FARS2: variants seen among roughly 807,000 people sequenced by gnomAD.
The protein encoded by FARS2 is phenylalanine--tRNA ligase, mitochondrial.
In FARS2, 40 loss-of-function variants were observed where a neutral mutation model predicts 46.4. The observed-to-expected ratio is 0.86, with a 90% confidence interval of 0.67 to 1.12. The LOEUF (loss-of-function observed/expected upper bound fraction) is 1.12, where lower values mean the gene tolerates loss of function less well. FARS2 is among the 50% of genes most tolerant of loss of function. The pLI is 0.00. For synonymous variants in FARS2, 234 were observed against 214.9 expected (o/e 1.09, Z -0.78); for missense variants, 513 against 567.9 (o/e 0.90, Z 0.98).
intron 4 of FARS2, among the ~76,000 whole-genome samples, chr6:5,437,258 T>C (rs1763576300): frequency 6.6e-6 from 1 of 152,230 alleles, no homozygotes; most frequent in Non-Finnish European, 1.5e-5. Context: ...CCTTTTTATT[T>C]GGAGTAGTGT....
intron 4 of FARS2, among the ~76,000 whole-genome samples, chr6:5,498,346 C>G (rs929092188): frequency 6.6e-6 from 1 of 152,074 alleles, no homozygotes; most frequent in Non-Finnish European, 1.5e-5. Context: ...TTGCTTGTTT[C>G]GTTTTTAAGA....
rs573158485 is a variant in FARS2, at chr6:5,613,386, T to C, written c.1217+66T>C. On this transcript the variant is annotated intron_variant, in intron 6 of 6. Coordinates refer to ENST00000274680, the MANE Select transcript of FARS2 (RefSeq NM_006567.5). ...GTGTGATAAATGTCATGTGGAAGCA[T>C]ATCATAAAATTTGCTGAAACCCAGG... is the stretch of plus-strand genomic sequence containing the variant. 6.2e-5 allele frequency: 91 copies of C among 1,471,038 alleles called. 1 individual carries two copies. Among genetic ancestry groups the C allele is most frequent in the South Asian group, 4.8e-4 (38 of 79,814 alleles). The allele number at this position is 1,471,038 out of a possible 1,614,324, so 91.1% of individuals were successfully genotyped here.
At chr6:5,264,247 C>T (rs1479758802) in intron 1 of FARS2, among the ~76,000 whole-genome samples, 1 of 151,674 alleles carries the variant, frequency 6.6e-6, no homozygotes, top group African/African-American at 2.4e-5. Flanking sequence ...ACCCTGTCTA[C>T]CAAAAAGAAA....
At chr6:5,536,522 A>G (rs1770211709) in intron 4 of FARS2, among the ~76,000 whole-genome samples, 1 of 152,214 alleles carries the variant, frequency 6.6e-6, no homozygotes, top group Admixed American at 6.5e-5. Flanking sequence ...AAGGAGGTCA[A>G]GAATGCAGAA....
chr6:5,443,730 A>G (rs2127791410), intron 4 of FARS2, among the ~76,000 whole-genome samples: 3 of 152,294 alleles, frequency 2.0e-5, no homozygotes, highest in African/African-American at 7.2e-5. Flanking sequence ...TTTTGTAGTG[A>G]TTTGTTGATC....
At chr6:5,442,737 T>C (rs1055099349) in intron 4 of FARS2, among the ~76,000 whole-genome samples, 3 of 152,202 alleles carry the variant, frequency 2.0e-5, no homozygotes, top group African/African-American at 7.2e-5. Flanking sequence ...TAGGATGTGC[T>C]TCTTTGACTA....
intron 5 of FARS2, among the ~76,000 whole-genome samples, chr6:5,559,392 A>G (rs1013432285): frequency 6.6e-6 from 1 of 152,206 alleles, no homozygotes; most frequent in East Asian, 1.9e-4. Flanking sequence ...CAACAGAGTG[A>G]GACCCTATCT....
At chr6:5,431,313 A>G in intron 4 of FARS2, 141 bp downstream of exon 4, 1 of 855,460 alleles carries the variant, frequency 1.2e-6, no homozygotes, top group Non-Finnish European at 1.8e-6. Context: ...ATTCCCCTCT[A>G]GATTTGTCTT....
rs1049176757 is a variant in FARS2 at position 5,764,423 on chromosome 6, C to A, written c.1218-6868C>A. On this transcript the variant is annotated intron_variant, in intron 6 of 6. Transcript: ENST00000274680. This position sits in a 1 kb window ranked among gnomAD's most constrained non-coding sequence, Gnocchi z 4.1. ...CAGCCCTACCCACTAAAGCATTGCA[C>A]GTATTGACCCTCGCAGCCATGCACA... Among the ~76,000 whole-genome samples the A allele has an allele frequency of 6.6e-6, 1 of 152,094 alleles. No individual in the cohort carries two copies. The highest frequency in any genetic ancestry group is 1.5e-5 in the Non-Finnish European group (1 of 68,010).
chr6:5,566,371 T>C (rs752080291), intron 5 of FARS2, among the ~76,000 whole-genome samples: 2 of 152,106 alleles, frequency 1.3e-5, no homozygotes, highest in African/African-American at 2.4e-5. Flanking sequence ...AAGTAATTTC[T>C]GATACCCCCA....
chr6:5,525,316 G>T (rs1049085605), intron 4 of FARS2, among the ~76,000 whole-genome samples: 2 of 152,026 alleles, frequency 1.3e-5, no homozygotes, highest in Non-Finnish European at 2.9e-5. Flanking sequence ...CTTTCCTGCT[G>T]TGGGAAATCA....
At chr6:5,416,848 C>CA (rs1762268877) in intron 3 of FARS2, among the ~76,000 whole-genome samples, 2 of 152,150 alleles carry the variant, frequency 1.3e-5, no homozygotes, top group African/African-American at 4.8e-5. Flanking sequence ...GCTGTTACCC[C>CA]ACTTCTGTAT....
chr6:5,479,359 A>T (rs1766311134), intron 4 of FARS2, among the ~76,000 whole-genome samples: 1 of 152,184 alleles, frequency 6.6e-6, no homozygotes, highest in Non-Finnish European at 1.5e-5. Context: ...ACAGTGGGAG[A>T]GGCAACATGA....
At chr6:5,703,372 G>C (rs1364374513) in intron 6 of FARS2, among the ~76,000 whole-genome samples, 1 of 152,080 alleles carries the variant, frequency 6.6e-6, no homozygotes, top group Non-Finnish European at 1.5e-5. Flanking sequence ...TAGAAAATAA[G>C]GTTTGTGGGT....
intron 2 of FARS2, among the ~76,000 whole-genome samples, chr6:5,372,031 G>T (rs1016988749): frequency 3.3e-5 from 5 of 152,024 alleles, no homozygotes; most frequent in African/African-American, 9.7e-5. Flanking sequence ...TTAATATTAT[G>T]TAAAATAGAA....
intron 6 of FARS2, among the ~76,000 whole-genome samples, chr6:5,614,411 C>CTTTT (rs199992978): frequency 1.4e-5 from 2 of 139,482 alleles, no homozygotes; most frequent in African/African-American, 5.4e-5. Flanking sequence ...CCTTCTTTGT[C>CTTTT]TTTTTTTTTT....
At chr6:5,382,849 G>A (rs1759878377) in intron 2 of FARS2, among the ~76,000 whole-genome samples, 1 of 152,206 alleles carries the variant, frequency 6.6e-6, no homozygotes, top group Admixed American at 6.5e-5. Flanking sequence ...AGAAGCAGAA[G>A]AGCCAATGGA....
At chr6:5,593,206 C>T (rs1366883870) in intron 5 of FARS2, among the ~76,000 whole-genome samples, 1 of 152,100 alleles carries the variant, frequency 6.6e-6, no homozygotes, top group Admixed American at 6.5e-5. Flanking sequence ...GAGTAACAGG[C>T]GTATCCATGC....
intron 5 of FARS2, among the ~76,000 whole-genome samples, chr6:5,563,561 T>A (rs1772140085): frequency 6.6e-6 from 1 of 152,128 alleles, no homozygotes. Context: ...TTAGGGGGTT[T>A]TGGGGGATGA....
Sources: allele counts gnomAD v4.1 joint callset (sites outside exome capture counted in the v4.1 genomes callset), GRCh38; gene constraint gnomAD v4.1.1; non-coding constraint Gnocchi (gnomAD v3.1); transcripts MANE v1.5; gene names NCBI Gene and HGNC (gene_info 2026-07-23, HGNC 2026-07-21).